The following COL5A1 variants were observed in gnomAD, a reference collection of about 807,000 sequenced individuals.
COL5A1 encodes collagen alpha-1(V) chain.
Under a neutral mutation model 263.7 loss-of-function variants are expected in COL5A1, and 16 were observed. That is an observed-to-expected ratio of 0.06 (90% CI 0.04 to 0.09). COL5A1 has a LOEUF of 0.09. Ranked by LOEUF, COL5A1 falls within the 10% of genes least tolerant of loss-of-function variation. The pLI is 1.00. For missense variants in COL5A1, 2,036 were observed against 2,540.5 expected (o/e 0.80, Z 4.27); for synonymous variants, 1,012 against 1,004.5 (o/e 1.01, Z -0.14).
chr9:134,774,752 G>C (rs372706160), intron 26 of COL5A1, 107 bp from the exon 27 acceptor site: 2 of 1,167,680 alleles, frequency 1.7e-6, no homozygotes, highest in East Asian at 2.5e-5. Flanking sequence ...TGGGATGTTC[G>C]CCCTGCTCTC....
intron 11 of COL5A1, among the ~76,000 whole-genome samples, chr9:134,743,781 T>TA (rs1225615230): frequency 6.6e-6 from 1 of 152,238 alleles, no homozygotes; most frequent in Non-Finnish European, 1.5e-5. Context: ...CCCTCTTTTT[T>TA]ATGTGTCCAG....
Position 134,826,403 on chromosome 9 carries a change from G to A in COL5A1, c.5067+499G>A, listed in dbSNP as rs1433127020. Among the ~76,000 whole-genome samples the A allele has an allele frequency of 2.6e-5, 4 of 152,336 alleles. No homozygotes were observed. The East Asian group carries it at 7.7e-4, about 29-fold the overall frequency. ...GTCTGTTTAGTGAAGAATTCGGGGT[G>A]GGGAGCTGGGCTCTGTTGAGATTTT... On this transcript the variant is annotated intron_variant, in intron 63 of 65. Transcript: ENST00000371817.
At chr9:134,791,567 G>A (rs1362878270) in intron 32 of COL5A1, among the ~76,000 whole-genome samples, 1 of 151,672 alleles carries the variant, frequency 6.6e-6, no homozygotes, top group Admixed American at 6.6e-5. Context: ...TGGGCTTCCC[G>A]AATGTCCACA....
intron 28 of COL5A1, among the ~76,000 whole-genome samples, chr9:134,782,262 A>AT (rs964817688): frequency 2.3e-4 from 35 of 151,888 alleles, no homozygotes; most frequent in African/African-American, 8.0e-4. Flanking sequence ...TTGCAGGGGC[A>AT]TTTTCATCCA....
intron 4 of COL5A1, among the ~76,000 whole-genome samples, chr9:134,705,844 G>A (rs1833818704): frequency 6.6e-6 from 1 of 152,180 alleles, no homozygotes; most frequent in South Asian, 2.1e-4. Flanking sequence ...TGTGAGTCCT[G>A]CCATAAAGAT....
chr9:134,761,171 T>TAC (rs143744322), intron 18 of COL5A1, among the ~76,000 whole-genome samples: 17,539 of 134,460 alleles, frequency 0.13, 1,866 homozygotes, highest in African/African-American at 0.28. Flanking sequence ...TACACACCTA[T>TAC]ACACACATAT....
At chr9:134,671,041 C>T (rs932118867) in intron 1 of COL5A1, among the ~76,000 whole-genome samples, 2 of 152,244 alleles carry the variant, frequency 1.3e-5, no homozygotes, top group African/African-American at 4.8e-5. Context: ...CCTGCTGCAG[C>T]TTTGGGGCCG....
At position 134,835,144 on chromosome 9, in the gene COL5A1, C is replaced by G. The variant is rs764817290; in HGVS notation, c.5310C>G (p.Asn1770Lys). 1.9e-6 allele frequency: 3 copies of G among 1,613,876 alleles called. No individual in the cohort carries two copies. Among genetic ancestry groups the G allele is most frequent in the Non-Finnish European group, 8.5e-7 (1 of 1,180,036 alleles). ...YDKALRFLGS[N>K]DEEMSYDNNP... ...AGGCCCTCCGCTTCCTGGGCTCCAA[C>G]GACGAGGAGATGTCCTATGACAACA... The change falls in exon 65 of 66, where the codon AAC (asparagine) becomes AAG (lysine). Residue 1770 changes from asparagine to lysine, a missense_variant. Asn to Lys is a moderately conservative substitution (Grantham distance 94, BLOSUM62 0). Coordinates refer to ENST00000371817, the MANE Select transcript of COL5A1 (RefSeq NM_000093.5).
rs1272606174 is a variant in COL5A1 at position 134,828,541 on chromosome 9, C to A, written c.5068-1435C>A. Among the ~76,000 whole-genome samples the A allele has an allele frequency of 9.7e-3, 1,452 of 149,232 alleles. 25 individuals carry two copies. Among genetic ancestry groups the A allele is most frequent in the African/African-American group, 0.034 (1,354 of 39,974 alleles). On this transcript the variant is annotated intron_variant, in intron 63 of 65. Transcript: ENST00000371817. ...GATACACGATACACATACCACACACCACAGAGATACGCACCACACACACAA... is the reference window on the plus strand; with the variant it reads ...GATACACGATACACATACCACACACAACAGAGATACGCACCACACACACAA...
At chr9:134,760,603 A>G (rs1336284730) in intron 18 of COL5A1, among the ~76,000 whole-genome samples, 3 of 101,728 alleles carry the variant, frequency 2.9e-5, no homozygotes, top group African/African-American at 1.3e-4. Flanking sequence ...CACACACACC[A>G]CACATGCACA....
rs1298930763 is a variant in COL5A1 at position 134,780,113 on chromosome 9, C to T, written c.2397C>T (p.Gly799=). 1.9e-6 allele frequency: 3 copies of T among 1,613,494 alleles called. No homozygotes were observed. Among genetic ancestry groups the T allele is most frequent in the South Asian group, 1.1e-5 (1 of 91,088 alleles). The change falls in exon 28 of 66, where the codon GGC becomes GGT. Residue 799 remains glycine, a synonymous_variant. Transcript: ENST00000371817. ...PGPRGVKGAD[G]IRGLKGTKGE... ...TCCCACCCGCACAGGGGGCCGATGG[C>T]ATCCGTGGTCTGAAGGGCACAAAGG...
chr9:134,829,469 C>T (rs1271763630), intron 63 of COL5A1, among the ~76,000 whole-genome samples: 1 of 149,710 alleles, frequency 6.7e-6, no homozygotes, highest in African/African-American at 2.5e-5. Context: ...CTCCGGTCTC[C>T]CCGAGGGCCC....
At chr9:134,729,548 G>C (rs1432615177) in intron 6 of COL5A1, among the ~76,000 whole-genome samples, 2 of 145,462 alleles carry the variant, frequency 1.4e-5, no homozygotes, top group Non-Finnish European at 3.0e-5. Flanking sequence ...GCGGGCACGG[G>C]TGTGCATGAG....
In COL5A1 at chr9:134,798,329, A is replaced by G. The variant is rs151142694; in HGVS notation, c.2899-79A>G. 2.9e-4 allele frequency: 369 copies of G among 1,288,002 alleles called. 1 individual carries two copies. In the African/African-American group the frequency reaches 4.7e-3, roughly 16 times the overall value. 79.8% of individuals were successfully genotyped at this position (1,288,002 alleles called of 1,614,324 possible). A position where few individuals can be genotyped will look rare whatever the true frequency, so the allele number is the denominator to read the frequency against. ...GGCAGGAGCCATGGAAATAACGGTC[A>G]CTCCACGTGGCATTAATTCTCAAAG... On this transcript the variant is annotated intron_variant, in intron 36 of 65. Transcript: ENST00000371817.
At chr9:134,823,565 A>T (rs1036117416) in intron 61 of COL5A1, 96 bp downstream of exon 61, 27 of 1,319,466 alleles carry the variant, frequency 2.0e-5, no homozygotes, top group Middle Eastern at 3.9e-4. Context: ...CCCTCCTGAG[A>T]CTCATGAAGC....
intron 44 of COL5A1, 116 bp from the exon 45 acceptor site, chr9:134,811,223 G>T: frequency 1.1e-6 from 1 of 904,748 alleles, no homozygotes; most frequent in Non-Finnish European, 1.9e-6. Context: ...CACATTTGGA[G>T]ACTGAACTGA....
At chr9:134,646,968 A>G (rs181276099) in intron 1 of COL5A1, among the ~76,000 whole-genome samples, 16 of 152,254 alleles carry the variant, frequency 1.1e-4, no homozygotes, top group Admixed American at 6.5e-4. Flanking sequence ...GCTTTGAGGC[A>G]TGGTTGTGAA....
intron 1 of COL5A1, among the ~76,000 whole-genome samples, chr9:134,653,666 A>T (rs2132477343): frequency 6.6e-6 from 1 of 152,024 alleles, no homozygotes; most frequent in East Asian, 1.9e-4. Flanking sequence ...GCAGGTTTAT[A>T]GGGCTGGGGA....
chr9:134,800,129 T>C (rs1455390862), intron 37 of COL5A1, among the ~76,000 whole-genome samples: 1 of 152,234 alleles, frequency 6.6e-6, no homozygotes, highest in Admixed American at 6.5e-5. Flanking sequence ...TCATTATTTC[T>C]CCTAAATGTG....
Sources: allele counts gnomAD v4.1 joint callset (sites outside exome capture counted in the v4.1 genomes callset), GRCh38; gene constraint gnomAD v4.1.1; transcripts MANE v1.5; gene names NCBI Gene and HGNC (gene_info 2026-07-23, HGNC 2026-07-21).